SYNE1: variants seen among roughly 807,000 people sequenced by gnomAD.
The protein encoded by SYNE1 is spectrin repeat containing nuclear envelope protein 1.
In SYNE1, 616 loss-of-function variants were observed where a neutral mutation model predicts 1,111.0. The observed-to-expected ratio is 0.55, with a 90% CI of 0.52 to 0.59. The LOEUF (loss-of-function observed/expected upper bound fraction) is 0.59, where lower values mean the gene tolerates loss of function less well. Ranked by LOEUF, SYNE1 falls within the 20% of genes least tolerant of loss-of-function variation. SYNE1 has a pLI of 0.00. For missense variants in SYNE1, 10,006 were observed against 10,417.0 expected (o/e 0.96, Z 1.72); for synonymous variants, 3,855 against 3,825.8 (o/e 1.01, Z -0.28).
chr6:152,172,875 C>A (rs998087310), intron 130 of SYNE1, among the ~76,000 whole-genome samples: 4 of 152,226 alleles, frequency 2.6e-5, no homozygotes, highest in African/African-American at 7.2e-5. Context: ...AAGGTAGCCA[C>A]TAGCCTCATG....
intron 93 of SYNE1, among the ~76,000 whole-genome samples, chr6:152,297,267 GA>G (rs1172848235): frequency 6.6e-6 from 1 of 152,128 alleles, no homozygotes; most frequent in East Asian, 1.9e-4. Flanking sequence ...TCTTCTGCCT[GA>G]AAATCTTCAT....
intron 87 of SYNE1, among the ~76,000 whole-genome samples, chr6:152,314,068 A>AAG (rs2095636173): frequency 6.6e-6 from 1 of 152,092 alleles, no homozygotes; most frequent in South Asian, 2.1e-4. Flanking sequence ...CTAATCTCCA[A>AAG]AGAGAGGCCT....
chr6:152,215,119 CA>C, intron 121 of SYNE1, 59 bp from the exon 122 acceptor site: 2 of 1,586,740 alleles, frequency 1.3e-6, no homozygotes, highest in Non-Finnish European at 1.7e-6. Flanking sequence ...AAAACTTTTT[CA>C]AAGTGCGCAG....
chr6:152,154,285 CTTCT>C (rs1265626128), intron 133 of SYNE1, among the ~76,000 whole-genome samples: 5 of 152,150 alleles, frequency 3.3e-5, no homozygotes, highest in East Asian at 1.9e-4. Context: ...TCTTGGATAA[CTTCT>C]TTCTTTATGA....
At chr6:152,277,472 G>A (rs2093725637) in intron 98 of SYNE1, 1 of 147,892 alleles carries the variant, frequency 6.8e-6, no homozygotes, top group African/African-American at 2.5e-5. Context: ...ATTTTTAGCA[G>A]AGATGGGGTT....
chr6:152,406,944 C>CTT (rs549447851), intron 45 of SYNE1, 70 bp downstream of exon 45: 341 of 964,858 alleles, frequency 3.5e-4, no homozygotes, highest in South Asian at 4.4e-4. Context: ...TTAAGAAAGA[C>CTT]TTTTTTTTTT....
At chr6:152,200,081 C>T (rs1258452130) in intron 127 of SYNE1, among the ~76,000 whole-genome samples, 6 of 152,164 alleles carry the variant, frequency 3.9e-5, no homozygotes, top group Non-Finnish European at 8.8e-5. Context: ...CCCCCCAACT[C>T]GAGCATCAGA....
intron 3 of SYNE1, among the ~76,000 whole-genome samples, chr6:152,571,657 G>A (rs780107908): frequency 6.6e-6 from 1 of 152,102 alleles, no homozygotes; most frequent in Non-Finnish European, 1.5e-5. Flanking sequence ...TGACTGTAAA[G>A]TACCCACAAA....
intron 3 of SYNE1, among the ~76,000 whole-genome samples, chr6:152,588,090 T>C (rs2099546527): frequency 6.6e-6 from 1 of 152,200 alleles, no homozygotes; most frequent in Non-Finnish European, 1.5e-5. Flanking sequence ...ATCACTTGTC[T>C]GTCTGAAGAA....
intron 10 of SYNE1, 56 bp from the exon 11 acceptor site, chr6:152,498,848 T>A: frequency 9.5e-7 from 1 of 1,055,264 alleles, no homozygotes; most frequent in Non-Finnish European, 1.3e-6. Flanking sequence ...GGTCAAAAAT[T>A]ATTTAGAAAA....
chr6:152,518,038 T>TA (rs2099120993), intron 6 of SYNE1, among the ~76,000 whole-genome samples: 1 of 151,900 alleles, frequency 6.6e-6, no homozygotes, highest in African/African-American at 2.4e-5. Flanking sequence ...CCTATCTCTA[T>TA]AACAGATAAT....
At chr6:152,353,174 A>G (rs2096772013) in intron 69 of SYNE1, 89 bp downstream of exon 69, 1 of 1,509,346 alleles carries the variant, frequency 6.6e-7, no homozygotes, top group African/African-American at 1.4e-5. Context: ...GGTTGGGATG[A>G]TCACCTGTGT....
At chr6:152,357,730 T>C (rs975884403) in intron 66 of SYNE1, among the ~76,000 whole-genome samples, 2 of 152,224 alleles carry the variant, frequency 1.3e-5, no homozygotes, top group African/African-American at 2.4e-5. Context: ...CATATCTTAA[T>C]CATCTTTGCC....
At chr6:152,352,398 T>A (rs377604176) in intron 69 of SYNE1, 45 bp from the exon 70 acceptor site, 92 of 1,544,004 alleles carry the variant, frequency 6.0e-5, no homozygotes, top group Non-Finnish European at 4.6e-5. Flanking sequence ...TTGTTTCTTT[T>A]CTTTTCTTTC....
intron 93 of SYNE1, among the ~76,000 whole-genome samples, chr6:152,297,482 T>C (rs1007957726): frequency 3.3e-5 from 5 of 152,208 alleles, no homozygotes; most frequent in African/African-American, 1.2e-4. Flanking sequence ...GTAAGCTCCC[T>C]AAGGGCTGTC....
chr6:152,145,507 T>C, intron 137 of SYNE1: 2 of 1,614,008 alleles, frequency 1.2e-6, no homozygotes, highest in South Asian at 2.2e-5. Flanking sequence ...TTTGATTGCA[T>C]TTTCTGTGAG....
At chr6:152,613,867 CAGAAACA>C (rs1258594552) in intron 3 of SYNE1, among the ~76,000 whole-genome samples, 2 of 152,100 alleles carry the variant, frequency 1.3e-5, no homozygotes, top group African/African-American at 2.4e-5. Context: ...ACAAACCTGA[CAGAAACA>C]AGAAATGGGG....
chr6:152,358,309 C>T, intron 66 of SYNE1, 64 bp downstream of exon 66: 1 of 1,609,806 alleles, frequency 6.2e-7, no homozygotes, highest in African/African-American at 1.3e-5. Context: ...CTTCCTATTG[C>T]CTAAAATAAT....
intron 41 of SYNE1, among the ~76,000 whole-genome samples, chr6:152,415,219 A>G (rs1315247202): frequency 6.6e-6 from 1 of 152,196 alleles, no homozygotes; most frequent in Non-Finnish European, 1.5e-5. Context: ...TTAAGAAAAC[A>G]GTTACTTTTC....
Sources: gnomAD v4.1 joint callset for allele counts (sites outside exome capture counted in the v4.1 genomes callset) on GRCh38, gnomAD v4.1.1 for gene constraint, MANE v1.5 for transcripts, NCBI Gene and HGNC (gene_info 2026-07-23, HGNC 2026-07-21) for gene names.